The following WASF3 variants were observed in gnomAD, a reference collection of about 807,000 sequenced individuals.
The protein encoded by WASF3 is WASP family member 3.
A neutral mutation model predicts 46.6 loss-of-function variants in WASF3; 11 were observed. The ratio of observed to expected loss-of-function variants is 0.24; its 90% CI spans 0.15 to 0.39. The LOEUF is 0.39. Ranked by LOEUF, WASF3 falls within the 10% of genes least tolerant of loss-of-function variation. The pLI is 1.00. For synonymous variants in WASF3, 242 were observed against 259.7 expected (o/e 0.93, Z 0.65); for missense variants, 576 against 669.8 (o/e 0.86, Z 1.55).
At chr13:26,685,548 G>A in intron 9 of WASF3, 140 bp from the exon 10 acceptor site, 1 of 996,364 alleles carries the variant, frequency 1.0e-6, no homozygotes, top group Non-Finnish European at 1.4e-6. Flanking sequence ...TATTCCCTGA[G>A]CTTTTCTCCC....
At chr13:26,558,444 TGG>T (rs1260010029) in intron 1 of WASF3, among the ~76,000 whole-genome samples, 1 of 144,502 alleles carries the variant, frequency 6.9e-6, no homozygotes, top group Non-Finnish European at 1.6e-5. Context: ...GGGGAGGAGG[TGG>T]GGCGGCCCGC....
At chr13:26,581,353 A>G (rs984097284) in intron 1 of WASF3, among the ~76,000 whole-genome samples, 1 of 152,108 alleles carries the variant, frequency 6.6e-6, no homozygotes. Context: ...TAATCTGACT[A>G]TCCTCAGAAG....
At chr13:26,625,759 A>C (rs1471954076) in intron 2 of WASF3, among the ~76,000 whole-genome samples, 1 of 152,204 alleles carries the variant, frequency 6.6e-6, no homozygotes, top group Non-Finnish European at 1.5e-5. Flanking sequence ...AGCTTGACAC[A>C]TAAAATGAAC....
chr13:26,586,192 T>C (rs923342359), intron 1 of WASF3, among the ~76,000 whole-genome samples: 5 of 152,236 alleles, frequency 3.3e-5, no homozygotes, highest in African/African-American at 4.8e-5. Context: ...TGTTTTTCAA[T>C]AATATTTTGA....
intron 2 of WASF3, among the ~76,000 whole-genome samples, chr13:26,636,788 G>A (rs9553875): frequency 0.28 from 42,848 of 152,140 alleles, 6,467 homozygotes; most frequent in East Asian, 0.58. Context: ...GGCAGCTGCC[G>A]TGTCATGCAG....
chr13:26,631,573 A>G (rs1416879772), intron 2 of WASF3, among the ~76,000 whole-genome samples: 1 of 152,270 alleles, frequency 6.6e-6, no homozygotes, highest in East Asian at 1.9e-4. Flanking sequence ...TGGTTACTGT[A>G]GGCTTGTAGT....
intron 1 of WASF3, among the ~76,000 whole-genome samples, chr13:26,576,606 G>GTACT (rs1390977175): frequency 2.0e-5 from 3 of 152,268 alleles, no homozygotes; most frequent in African/African-American, 7.2e-5. Flanking sequence ...TGTAACTTAT[G>GTACT]TACTTACTAT....
chr13:26,641,845 G>T (rs1209682687), intron 2 of WASF3: 1 of 152,410 alleles, frequency 6.6e-6, no homozygotes, highest in Admixed American at 6.5e-5. Flanking sequence ...TTTATTCAAA[G>T]AAACCATAAA....
intron 3 of WASF3, among the ~76,000 whole-genome samples, chr13:26,662,722 C>T (rs903638365): frequency 2.0e-5 from 3 of 152,202 alleles, no homozygotes; most frequent in African/African-American, 7.2e-5. Flanking sequence ...GGTATGGGAT[C>T]ATTCATTCCC....
In WASF3 at chr13:26,682,502, C is replaced by T; in HGVS notation, c.984-105C>T. On this transcript the variant is annotated intron_variant, in intron 8 of 9. Transcript: ENST00000335327. This position sits in a 1 kb window ranked among gnomAD's most constrained non-coding sequence, Gnocchi z 4.4. ...CCTGCCATGATTGAAGTTCAGGTGA[C>T]AATACGTGTTGTGTCTGGGGATGGC... The T allele has an allele frequency of 7.4e-7, 1 of 1,357,288 alleles. No homozygotes were observed. Among genetic ancestry groups the T allele is most frequent in the Non-Finnish European group, 1.0e-6 (1 of 971,144 alleles). 84.1% of individuals were successfully genotyped at this position (1,357,288 alleles called of 1,614,324 possible).
At chr13:26,557,224 T>C (rs1411989567), upstream of WASF3, among the ~76,000 whole-genome samples, 2 of 152,186 alleles carry the variant, frequency 1.3e-5, no homozygotes, top group Admixed American at 6.5e-5. Flanking sequence ...AACCAACCCA[T>C]GAACAGGGCT....
At position 26,685,779 on chromosome 13, in the gene WASF3, C is replaced by T. The variant is rs1883384439; in HGVS notation, c.1443C>T (p.Arg481=). 1.2e-6 allele frequency: 2 copies of T among 1,613,982 alleles called. No individual in the cohort carries two copies. Among genetic ancestry groups the T allele is most frequent in the Non-Finnish European group, 8.5e-7 (1 of 1,179,898 alleles). Reference sequence around the variant, plus strand: ...ACGTGGCCACGATCCTGTCCCGGCGCATTGCCGTGGAGTACAGCGACTCTG... The same window carrying T: ...ACGTGGCCACGATCCTGTCCCGGCGTATTGCCGTGGAGTACAGCGACTCTG... ...GNDVATILSR[R]IAVEYSDSDD... is the part of the protein sequence containing the mutation. Residue 481 remains arginine, a synonymous_variant, in exon 10 of 10, where the codon CGC becomes CGT. Coordinates refer to ENST00000335327, the MANE Select transcript of WASF3 (RefSeq NM_006646.6).
intron 2 of WASF3, among the ~76,000 whole-genome samples, chr13:26,628,166 C>T (rs1881531005): frequency 1.3e-5 from 2 of 152,104 alleles, no homozygotes; most frequent in South Asian, 2.1e-4. Flanking sequence ...AGAAAACCTG[C>T]GCTCGCCAAT....
intron 1 of WASF3, among the ~76,000 whole-genome samples, chr13:26,564,532 G>A (rs1052011702): frequency 6.6e-5 from 10 of 152,210 alleles, no homozygotes; most frequent in African/African-American, 7.2e-5. Context: ...AGCTTGCTGC[G>A]GCAGTTCCAT....
At chr13:26,678,563 G>A (rs1339332721) in intron 7 of WASF3, among the ~76,000 whole-genome samples, 1 of 151,982 alleles carries the variant, frequency 6.6e-6, no homozygotes, top group Non-Finnish European at 1.5e-5. Flanking sequence ...TCATCTGAGT[G>A]CATCCAAGAT....
At chr13:26,569,121 A>G (rs986101842) in intron 1 of WASF3, among the ~76,000 whole-genome samples, 2 of 152,218 alleles carry the variant, frequency 1.3e-5, no homozygotes, top group African/African-American at 4.8e-5. Context: ...GAGAATTTTA[A>G]TTATCATAAT....
the WASF3 span, among the ~76,000 whole-genome samples, chr13:26,547,954 T>C: frequency 6.6e-6 from 1 of 152,210 alleles, no homozygotes; most frequent in Admixed American, 6.5e-5. Flanking sequence ...CATGCATTAA[T>C]GTCAATGAAT....
the WASF3 span, among the ~76,000 whole-genome samples, chr13:26,541,249 T>C: frequency 0.39 from 59,139 of 151,938 alleles, 11,827 homozygotes; most frequent in South Asian, 0.49. Context: ...AGGCTGCAGC[T>C]GAGTCCCAAC....
chr13:26,621,822 T>C (rs190638807), intron 2 of WASF3, among the ~76,000 whole-genome samples: 169 of 152,222 alleles, frequency 1.1e-3, no homozygotes, highest in African/African-American at 3.8e-3. Context: ...GGGAATGTTA[T>C]GTTAGTGAGT....
Sources: gnomAD v4.1 joint callset for allele counts (sites outside exome capture counted in the v4.1 genomes callset) on GRCh38, gnomAD v4.1.1 for gene constraint, Gnocchi (gnomAD v3.1) non-coding constraint, MANE v1.5 for transcripts, NCBI Gene and HGNC (gene_info 2026-07-23, HGNC 2026-07-21) for gene names.